AK5: variants seen among roughly 807,000 people sequenced by gnomAD.
The protein encoded by AK5 is adenylate kinase isoenzyme 5.
A neutral mutation model predicts 69.5 loss-of-function variants in AK5; 27 were observed. The observed-to-expected ratio is 0.39, with a 90% CI of 0.29 to 0.54. The LOEUF (loss-of-function observed/expected upper bound fraction) is 0.54, where lower values mean the gene tolerates loss of function less well. Among genes scored for constraint, AK5 ranks in the 20% least tolerant of loss-of-function variants. The pLI is 0.71. For synonymous variants in AK5, 260 were observed against 244.4 expected (o/e 1.06, Z -0.60); for missense variants, 531 against 700.4 (o/e 0.76, Z 2.73).
At chr1:77,518,045 C>T (rs1198751235) in intron 10 of AK5, among the ~76,000 whole-genome samples, 1 of 152,232 alleles carries the variant, frequency 6.6e-6, no homozygotes, top group Non-Finnish European at 1.5e-5. Context: ...TCTTTGTCCT[C>T]ACAACCCTTC....
chr1:77,318,174 A>C (rs1389625380), intron 5 of AK5, among the ~76,000 whole-genome samples: 1 of 152,140 alleles, frequency 6.6e-6, no homozygotes, highest in Non-Finnish European at 1.5e-5. Flanking sequence ...GCTGTACAGG[A>C]AGCATGGCAG....
At chr1:77,535,806 G>A (rs1658925499) in intron 12 of AK5, 41 bp from the exon 13 acceptor site, 2 of 1,568,620 alleles carry the variant, frequency 1.3e-6, no homozygotes, top group Non-Finnish European at 1.7e-6. Flanking sequence ...CATCAGCAGG[G>A]TGAGGTTTCT....
intron 8 of AK5, among the ~76,000 whole-genome samples, chr1:77,466,522 C>T (rs12069995): frequency 6.6e-6 from 1 of 152,176 alleles, no homozygotes; most frequent in Non-Finnish European, 1.5e-5. Flanking sequence ...GAATAAAGAC[C>T]TCATTGATGT....
rs1646984732 is a variant in AK5, at chr1:77,367,580, A to ATATATGTGT, written c.891+27017_891+27018insGTGTTATAT. Among the ~76,000 whole-genome samples the ATATATGTGT allele has an allele frequency of 1.7e-3, 4 of 2,316 alleles. No homozygotes were observed. In the South Asian group the frequency reaches 0.058, roughly 33 times the overall value. The allele number at this position is 2,316 out of a possible 152,430, so 1.5% of individuals were successfully genotyped here. A position where few individuals can be genotyped will look rare whatever the true frequency, so the allele number is the denominator to read the frequency against. On this transcript the variant is annotated intron_variant, in intron 6 of 13. Coordinates refer to ENST00000354567, the MANE Select transcript of AK5 (RefSeq NM_174858.3). ...TTTTATATATATATATATATATATAATATATATGTTATATATGTAATATAT... is the reference window on the plus strand; with the variant it reads ...TTTTATATATATATATATATATATAATATATGTGTTATATATGTTATATATGTAATATAT...
At chr1:77,336,005 G>C (rs1448078889) in intron 5 of AK5, among the ~76,000 whole-genome samples, 1 of 151,686 alleles carries the variant, frequency 6.6e-6, no homozygotes, top group Non-Finnish European at 1.5e-5. Context: ...TCTCATTCAT[G>C]CTTTTTATTT....
intron 11 of AK5, among the ~76,000 whole-genome samples, chr1:77,519,302 A>G (rs1357909488): frequency 6.6e-6 from 1 of 152,184 alleles, no homozygotes; most frequent in Admixed American, 6.5e-5. Context: ...AGTCTCTGTT[A>G]GCAACAGAGC....
chr1:77,282,500 G>T (rs2100631258), intron 1 of AK5, 127 bp downstream of exon 1: 3 of 1,385,738 alleles, frequency 2.2e-6, no homozygotes, highest in Non-Finnish European at 2.8e-6. Context: ...TTGTAGAAGC[G>T]CACTCGCCCG....
chr1:77,357,086 A>G (rs1662570344), intron 6 of AK5, among the ~76,000 whole-genome samples: 1 of 152,186 alleles, frequency 6.6e-6, no homozygotes, highest in Admixed American at 6.5e-5. Context: ...GTAGACACCA[A>G]GGACATTGGG....
At chr1:77,283,567 T>C in intron 1 of AK5, 1 of 985,388 alleles carries the variant, frequency 1.0e-6, no homozygotes. Context: ...TTCTCTCACC[T>C]CTATAAGCCA....
intron 8 of AK5, among the ~76,000 whole-genome samples, chr1:77,433,145 CAA>C: frequency 6.6e-6 from 1 of 152,122 alleles, no homozygotes; most frequent in Non-Finnish European, 1.5e-5. Context: ...GAGTTGCAGC[CAA>C]ATATTGAAGA....
chr1:77,367,615 A>ATATGTTATATATATGTTATATATATATGT (rs1553139807), intron 6 of AK5, among the ~76,000 whole-genome samples: 10 of 91,230 alleles, frequency 1.1e-4, no homozygotes, highest in African/African-American at 2.5e-4. Context: ...TATGTAATAT[A>ATATGTTATATATATGTTATATATATATGT]TATGTTATAT....
rs914665546 is a variant in AK5, at chr1:77,338,932, A to T, written c.700-1445A>T. Among the ~76,000 whole-genome samples the T allele has an allele frequency of 3.9e-5, 6 of 152,166 alleles. No individual in the cohort carries two copies. In the South Asian group the frequency reaches 6.2e-4, roughly 16 times the overall value. On this transcript the variant is annotated intron_variant, in intron 5 of 13. Coordinates refer to ENST00000354567, the MANE Select transcript of AK5 (RefSeq NM_174858.3). Reference sequence around the variant, plus strand: ...CATAGAGGTTTAGCAAGATTAAATTATGTGCCTGTTGTTCAGCTAGTAAGT... The same window carrying T: ...CATAGAGGTTTAGCAAGATTAAATTTTGTGCCTGTTGTTCAGCTAGTAAGT...
At chr1:77,518,177 T>C (rs553110475) in intron 10 of AK5, among the ~76,000 whole-genome samples, 7 of 152,304 alleles carry the variant, frequency 4.6e-5, no homozygotes, top group Non-Finnish European at 1.0e-4. Context: ...GTGGGTTCGG[T>C]TCTCCAAGGA....
intron 6 of AK5, among the ~76,000 whole-genome samples, chr1:77,369,970 T>G (rs556744006): frequency 6.6e-6 from 1 of 152,362 alleles, no homozygotes; most frequent in African/African-American, 2.4e-5. Context: ...TAATGTGAGA[T>G]AGCAGTTATA....
At chr1:77,473,181 G>A (rs975090411) in intron 8 of AK5, among the ~76,000 whole-genome samples, 6 of 151,542 alleles carry the variant, frequency 4.0e-5, no homozygotes, top group Non-Finnish European at 8.8e-5. Flanking sequence ...TAGAATCTCA[G>A]CATTGGAAGC....
chr1:77,531,034 G>T (rs1017288380), intron 12 of AK5, among the ~76,000 whole-genome samples: 1 of 152,166 alleles, frequency 6.6e-6, no homozygotes, highest in African/African-American at 2.4e-5. Context: ...GGAAATGGTG[G>T]GTTCTTGGTC....
chr1:77,380,767 A>G (rs74364619), intron 6 of AK5, among the ~76,000 whole-genome samples: 12,587 of 152,222 alleles, frequency 0.083, 689 homozygotes, highest in African/African-American at 0.13. Context: ...CCATCTAAGA[A>G]GGTCAGAGAA....
At chr1:77,397,928 C>A (rs1477354394) in intron 6 of AK5, among the ~76,000 whole-genome samples, 4 of 152,244 alleles carry the variant, frequency 2.6e-5, no homozygotes, top group South Asian at 2.1e-4. Context: ...AAATTAAAAT[C>A]TAAAATCCAA....
At chr1:77,447,438 G>A (rs1652822007) in intron 8 of AK5, among the ~76,000 whole-genome samples, 1 of 152,146 alleles carries the variant, frequency 6.6e-6, no homozygotes, top group African/African-American at 2.4e-5. Context: ...CAGGAATATA[G>A]GAGAAACCTT....
Sources: gnomAD v4.1 joint callset for allele counts (sites outside exome capture counted in the v4.1 genomes callset) on GRCh38, gnomAD v4.1.1 for gene constraint, MANE v1.5 for transcripts, NCBI Gene and HGNC (gene_info 2026-07-23, HGNC 2026-07-21) for gene names.